The following XKR9 variants were observed in gnomAD, a reference collection of about 807,000 sequenced individuals.
The protein encoded by XKR9 is XK related 9, also known as XK-related protein 9.
Under a neutral mutation model 32.0 loss-of-function variants are expected in XKR9, and 32 were observed. The observed-to-expected ratio is 1.00, with a 90% CI of 0.76 to 1.34. The LOEUF (loss-of-function observed/expected upper bound fraction) is 1.34, where lower values mean the gene tolerates loss of function less well. Among genes scored for constraint, XKR9 ranks in the 40% most tolerant of loss-of-function variants. XKR9 has a pLI of 0.00. For missense variants in XKR9, 546 were observed against 429.7 expected (o/e 1.27, Z -2.39); for synonymous variants, 168 against 143.4 (o/e 1.17, Z -1.22).
At chr8:70,942,504 A>G in the XKR9 span, among the ~76,000 whole-genome samples, 1 of 152,090 alleles carries the variant, frequency 6.6e-6, no homozygotes, top group African/African-American at 2.4e-5. Flanking sequence ...ATTGGGGAAA[A>G]TCCCATAAGA....
chr8:70,899,058 T>C, the XKR9 span, among the ~76,000 whole-genome samples: 12 of 152,238 alleles, frequency 7.9e-5, no homozygotes, highest in African/African-American at 2.9e-4. Flanking sequence ...GGACTAAAAT[T>C]GTGCACCACT....
At chr8:70,757,783 C>T (rs12678064) in intron 2 of XKR9, among the ~76,000 whole-genome samples, 50,089 of 151,802 alleles carry the variant, frequency 0.33, 9,366 homozygotes, top group Non-Finnish European at 0.43. Flanking sequence ...GACAGGATTT[C>T]GCCATGTTGG....
chr8:70,677,556 A>G (rs539973394), intron 2 of XKR9, among the ~76,000 whole-genome samples: 4 of 152,350 alleles, frequency 2.6e-5, no homozygotes, highest in African/African-American at 7.2e-5. Flanking sequence ...AATAATGTGT[A>G]TTCTATCTCA....
chr8:70,887,438 T>C, the XKR9 span, among the ~76,000 whole-genome samples: 1 of 152,128 alleles, frequency 6.6e-6, no homozygotes, highest in Non-Finnish European at 1.5e-5. Flanking sequence ...AAATTTAAAG[T>C]AGTTTTTTTC....
chr8:70,844,180 C>A, the XKR9 span, among the ~76,000 whole-genome samples: 49 of 152,350 alleles, frequency 3.2e-4, no homozygotes, highest in Admixed American at 2.7e-3. Context: ...CCAGCCCCAG[C>A]AGTAGGACAA....
the XKR9 span, among the ~76,000 whole-genome samples, chr8:70,996,722 A>G: frequency 6.6e-6 from 1 of 152,194 alleles, no homozygotes; most frequent in Non-Finnish European, 1.5e-5. Context: ...GAAACAGTAA[A>G]CAGTAGACAA....
intron 2 of XKR9, among the ~76,000 whole-genome samples, chr8:70,753,346 A>G (rs1225803392): frequency 6.6e-6 from 1 of 151,710 alleles, no homozygotes; most frequent in Non-Finnish European, 1.5e-5. Context: ...ACAAGGAGGA[A>G]CTGGTACCAT....
chr8:70,825,942 A>G, the XKR9 span, among the ~76,000 whole-genome samples: 16 of 152,196 alleles, frequency 1.1e-4, no homozygotes, highest in Non-Finnish European at 1.9e-4. Flanking sequence ...GAATGGTCCA[A>G]TTTCCTCTTT....
At chr8:70,778,974 T>G (rs911388079) in intron 2 of XKR9, among the ~76,000 whole-genome samples, 2 of 152,220 alleles carry the variant, frequency 1.3e-5, no homozygotes, top group African/African-American at 4.8e-5. Flanking sequence ...GGCCAGAACT[T>G]CCAACACTAT....
At chr8:70,859,200 A>T in the XKR9 span, among the ~76,000 whole-genome samples, 1 of 152,124 alleles carries the variant, frequency 6.6e-6, no homozygotes, top group African/African-American at 2.4e-5. Context: ...AAATCTAAAT[A>T]GATATTTCTC....
chr8:70,890,684 G>A, the XKR9 span, among the ~76,000 whole-genome samples: 1 of 151,926 alleles, frequency 6.6e-6, no homozygotes, highest in African/African-American at 2.4e-5. Flanking sequence ...TCTTTTTAAT[G>A]TGTCACCAAA....
the XKR9 span, among the ~76,000 whole-genome samples, chr8:70,807,360 G>C: frequency 6.6e-6 from 1 of 152,124 alleles, no homozygotes; most frequent in East Asian, 1.9e-4. Flanking sequence ...ACCAACAAGT[G>C]TGCAAAATAA....
chr8:70,912,650 G>A, the XKR9 span, among the ~76,000 whole-genome samples: 2 of 152,068 alleles, frequency 1.3e-5, no homozygotes, highest in African/African-American at 4.8e-5. Context: ...GGATATTCTT[G>A]TCTGGAGCTC....
chr8:70,905,604 A>T, the XKR9 span, among the ~76,000 whole-genome samples: 1 of 152,116 alleles, frequency 6.6e-6, no homozygotes, highest in African/African-American at 2.4e-5. Context: ...ATTACCAATC[A>T]TCTGAAGCCT....
chr8:70,988,032 C>T, the XKR9 span, among the ~76,000 whole-genome samples: 11 of 152,218 alleles, frequency 7.2e-5, no homozygotes, highest in East Asian at 3.9e-4. Flanking sequence ...GGATGCAGGG[C>T]GCCAAACCCC....
the XKR9 span, among the ~76,000 whole-genome samples, chr8:70,917,456 C>G: frequency 6.6e-6 from 1 of 152,022 alleles, no homozygotes; most frequent in East Asian, 1.9e-4. Context: ...GTTCCCAACT[C>G]ATGATGGTTC....
intron 3 of XKR9, among the ~76,000 whole-genome samples, chr8:70,689,794 C>T (rs950732122): frequency 3.3e-5 from 5 of 151,990 alleles, no homozygotes; most frequent in African/African-American, 1.2e-4. Context: ...ATGCCACAAT[C>T]TGTGTAATAA....
chr8:70,866,899 G>A, the XKR9 span, among the ~76,000 whole-genome samples: 3 of 152,146 alleles, frequency 2.0e-5, no homozygotes, highest in East Asian at 3.8e-4. Flanking sequence ...TCTCTGTAAT[G>A]TAGGTATTAT....
chr8:70,763,675 CT>C (rs2130214179), intron 2 of XKR9, among the ~76,000 whole-genome samples: 1 of 152,066 alleles, frequency 6.6e-6, no homozygotes, highest in South Asian at 2.1e-4. Context: ...ATTTTTTTCC[CT>C]TTCATATTAT....
Sources: gnomAD v4.1 joint callset for allele counts (sites outside exome capture counted in the v4.1 genomes callset) on GRCh38, gnomAD v4.1.1 for gene constraint, MANE v1.5 for transcripts, NCBI Gene and HGNC (gene_info 2026-07-23, HGNC 2026-07-21) for gene names.